Variants in HPSE2 observed in about 807,000 individuals in gnomAD.
The protein encoded by HPSE2 is heparanase 2 (inactive).
Under a neutral mutation model 60.5 loss-of-function variants are expected in HPSE2, and 38 were observed. The ratio of observed to expected loss-of-function variants is 0.63; its 90% CI spans 0.48 to 0.82. The LOEUF is 0.82. Among genes scored for constraint, HPSE2 ranks in the 40% least tolerant of loss-of-function variants. The pLI is 0.00. For synonymous variants in HPSE2, 295 were observed against 293.2 expected (o/e 1.01, Z -0.06); for missense variants, 713 against 740.4 (o/e 0.96, Z 0.43).
chr10:98,642,013 G>C, intron 6 of HPSE2, 73 bp from the exon 7 acceptor site: 1 of 1,296,174 alleles, frequency 7.7e-7, no homozygotes, highest in Non-Finnish European at 1.1e-6. Context: ...TCTAGCCCAA[G>C]GTCTCTGTTG....
chr10:98,956,301 A>G (rs1955508666), intron 3 of HPSE2, among the ~76,000 whole-genome samples: 1 of 152,138 alleles, frequency 6.6e-6, no homozygotes, highest in Admixed American at 6.6e-5. Flanking sequence ...ACAAGCCATG[A>G]AGAAGACAAA....
the HPSE2 span, among the ~76,000 whole-genome samples, chr10:99,293,101 C>T: frequency 6.6e-6 from 1 of 152,080 alleles, no homozygotes; most frequent in African/African-American, 2.4e-5. Context: ...CCTGTAAGAT[C>T]TGATACTTAG....
chr10:98,750,292 G>A (rs575965840), intron 3 of HPSE2, among the ~76,000 whole-genome samples: 2 of 152,198 alleles, frequency 1.3e-5, no homozygotes, highest in Non-Finnish European at 2.9e-5. Context: ...TGAATGAGAG[G>A]GAGAGCAGTA....
intron 9 of HPSE2, among the ~76,000 whole-genome samples, chr10:98,559,716 G>A (rs1449085419): frequency 6.6e-6 from 1 of 152,190 alleles, no homozygotes; most frequent in East Asian, 1.9e-4. Context: ...ACCCTCTGAT[G>A]AGAAGTAAAG....
intron 3 of HPSE2, among the ~76,000 whole-genome samples, chr10:98,775,816 A>G (rs1182760776): frequency 6.6e-6 from 1 of 152,172 alleles, no homozygotes; most frequent in African/African-American, 2.4e-5. Context: ...AGGCATTTCA[A>G]CTGGTGCATG....
At chr10:98,561,124 A>C (rs941934297) in intron 9 of HPSE2, among the ~76,000 whole-genome samples, 2 of 151,820 alleles carry the variant, frequency 1.3e-5, no homozygotes, top group African/African-American at 4.8e-5. Flanking sequence ...CAGGGGGACA[A>C]GATGTGGAGG....
intron 11 of HPSE2, among the ~76,000 whole-genome samples, chr10:98,475,636 G>A (rs1940979823): frequency 6.6e-6 from 1 of 152,128 alleles, no homozygotes; most frequent in Non-Finnish European, 1.5e-5. Context: ...TGTGTATATG[G>A]GGCGGGAATA....
At chr10:98,854,315 T>C (rs1172566526) in intron 3 of HPSE2, among the ~76,000 whole-genome samples, 4 of 152,194 alleles carry the variant, frequency 2.6e-5, no homozygotes, top group Non-Finnish European at 5.9e-5. Flanking sequence ...CAATTATGAA[T>C]TGCTAAAAGT....
the HPSE2 span, among the ~76,000 whole-genome samples, chr10:99,260,836 G>C: frequency 6.6e-6 from 1 of 151,902 alleles, no homozygotes; most frequent in Non-Finnish European, 1.5e-5. Context: ...CTTCACTATG[G>C]GCAACCTTGC....
chr10:98,465,642 T>G (rs1940495787), intron 11 of HPSE2, among the ~76,000 whole-genome samples: 1 of 152,246 alleles, frequency 6.6e-6, no homozygotes, highest in African/African-American at 2.4e-5. Context: ...TACTATTTCA[T>G]GTTGTTTCTC....
chr10:98,886,347 T>C (rs1023191454), intron 3 of HPSE2, among the ~76,000 whole-genome samples: 25 of 152,116 alleles, frequency 1.6e-4, no homozygotes, highest in African/African-American at 6.0e-4. Flanking sequence ...GCAAATCTAA[T>C]CTAATAGAAC....
intron 9 of HPSE2, among the ~76,000 whole-genome samples, chr10:98,605,972 T>G (rs1012276241): frequency 6.6e-6 from 1 of 152,244 alleles, no homozygotes; most frequent in African/African-American, 2.4e-5. Context: ...CCACACTTTC[T>G]AAAGAAGCCT....
At chr10:98,637,134 A>T (rs1256432504) in intron 7 of HPSE2, among the ~76,000 whole-genome samples, 2 of 152,214 alleles carry the variant, frequency 1.3e-5, no homozygotes, top group East Asian at 1.9e-4. Context: ...CTGCTCAAAC[A>T]TGTCTCTATT....
chr10:99,018,215 A>G (rs1957184512), intron 3 of HPSE2, among the ~76,000 whole-genome samples: 1 of 152,112 alleles, frequency 6.6e-6, no homozygotes. Context: ...CAGCTTACCC[A>G]CCTATAAAAT....
intron 2 of HPSE2, among the ~76,000 whole-genome samples, chr10:99,164,913 G>T (rs1015210701): frequency 3.3e-5 from 5 of 151,694 alleles, no homozygotes; most frequent in African/African-American, 1.2e-4. Flanking sequence ...GTGAAACCCC[G>T]TCTCTACTAA....
At chr10:98,593,447 GGTT>G (rs1945145618) in intron 9 of HPSE2, among the ~76,000 whole-genome samples, 1 of 148,128 alleles carries the variant, frequency 6.8e-6, no homozygotes, top group Non-Finnish European at 1.5e-5. Context: ...ATCCAACGAA[GGTT>G]TTTTTTTTTA....
At chr10:98,976,992 G>C (rs1037255098) in intron 3 of HPSE2, among the ~76,000 whole-genome samples, 4 of 152,178 alleles carry the variant, frequency 2.6e-5, no homozygotes, top group African/African-American at 9.7e-5. Flanking sequence ...GGAATGCCTA[G>C]AGTCACCAGA....
chr10:98,721,932 A>C, intron 4 of HPSE2, 104 bp from the exon 5 acceptor site: 1 of 961,666 alleles, frequency 1.0e-6, no homozygotes, highest in Non-Finnish European at 1.6e-6. Context: ...ATATGAAAAA[A>C]AAAAACAATA....
In HPSE2 at chr10:98,999,407, A is replaced by G. The variant is rs997922762; in HGVS notation, c.610+144831T>C. Among the ~76,000 whole-genome samples, 5 of 152,274 alleles carry G rather than the reference A, an allele frequency of 3.3e-5. No individual in the cohort carries two copies. The South Asian group carries it at 1.0e-3, about 32-fold the overall frequency. ...TTTAATCTTCCCAACATCCTTGTGA[A>G]AGTAATTGTATACTCTTATTTTTAT... On this transcript the variant is annotated intron_variant, in intron 3 of 11. Coordinates refer to ENST00000370552, the MANE Select transcript of HPSE2 (RefSeq NM_021828.5).
Sources: gnomAD v4.1 joint callset for allele counts (sites outside exome capture counted in the v4.1 genomes callset) on GRCh38, gnomAD v4.1.1 for gene constraint, MANE v1.5 for transcripts, NCBI Gene and HGNC (gene_info 2026-07-23, HGNC 2026-07-21) for gene names.